Variants in NCBP2L observed in about 807,000 individuals in gnomAD.
NCBP2L encodes nuclear cap binding protein subunit 2 like.
For synonymous variants in NCBP2L, 39 were observed against 19.2 expected, an observed-to-expected ratio of 2.04 and a Z score of -2.70; for missense variants, 95 against 53.1, an observed-to-expected ratio of 1.79 and a Z score of -2.45.
At chrX:107,785,286 G>A in intron 1 of NCBP2L, among the ~76,000 whole-genome samples, 1 of 111,432 alleles carries the variant, frequency 9.0e-6, no homozygotes, top group East Asian at 2.8e-4. Context: ...TGCTGTTCTG[G>A]ATAGGAGGGT....
intron 1 of NCBP2L, among the ~76,000 whole-genome samples, chrX:107,781,676 A>ATCTATCTATCTC (rs1380779020): frequency 3.1e-3 from 172 of 55,875 alleles, no homozygotes; most frequent in African/African-American, 0.012. Context: ...CTATCTATCT[A>ATCTATCTATCTC]TCTCTCTCTC....
chrX:107,794,373 C>A lies in NCBP2L; in HGVS notation c.153C>A (p.Thr51=). 1.8e-6 allele frequency: 1 copy of A among 569,903 alleles called. No individual in the cohort carries two copies. The allele number at this position is 569,903 out of a possible 1,213,427, so 47.0% of individuals were successfully genotyped here. A position where few individuals can be genotyped will look rare whatever the true frequency, so the allele number is the denominator to read the frequency against. ...TGGGGAATCTTTCCTTTTATACAAC[C>A]GAAGAGAAAATACATGAACTCTTTA... ...LNMGNLSFYT[T]EEKIHELFSR... The change falls in exon 2 of 2, where the codon ACC becomes ACA. Residue 51 remains threonine, a synonymous_variant. Transcript: ENST00000509000.
At chrX:107,781,768 C>CTA (rs1213203647) in intron 1 of NCBP2L, among the ~76,000 whole-genome samples, 1 of 65,468 alleles carries the variant, frequency 1.5e-5, no homozygotes, top group African/African-American at 6.9e-5. Context: ...CTATAGATAT[C>CTA]TATATATATA....
intron 1 of NCBP2L, among the ~76,000 whole-genome samples, chrX:107,792,046 C>T (rs970549588): frequency 2.7e-5 from 3 of 112,369 alleles, no homozygotes; most frequent in African/African-American, 9.7e-5. Flanking sequence ...ATTTTAAAAG[C>T]TCTTGTTTGT....
At chrX:107,781,692 C>CTCTCTATATATATA (rs1395038482) in intron 1 of NCBP2L, among the ~76,000 whole-genome samples, 10 of 66,915 alleles carry the variant, frequency 1.5e-4, no homozygotes, top group East Asian at 7.6e-4. Flanking sequence ...CTCTCTCTCT[C>CTCTCTATATATATA]TATATATATA....
intron 1 of NCBP2L, among the ~76,000 whole-genome samples, chrX:107,782,356 T>C (rs866574924): frequency 5.0e-5 from 2 of 40,399 alleles, no homozygotes; most frequent in Non-Finnish European, 6.9e-5. Context: ...TATATAAATA[T>C]ATATATATAT....
intron 1 of NCBP2L, among the ~76,000 whole-genome samples, chrX:107,788,639 T>C (rs945179932): frequency 8.9e-6 from 1 of 112,498 alleles, no homozygotes; most frequent in African/African-American, 3.2e-5. Context: ...ATGGAGCACA[T>C]TGGGACTGCC....
At chrX:107,783,445 T>C (rs928445442) in intron 1 of NCBP2L, among the ~76,000 whole-genome samples, 3 of 102,756 alleles carry the variant, frequency 2.9e-5, no homozygotes, top group African/African-American at 1.1e-4. Flanking sequence ...CGATCTCCGC[T>C]CACTGCAGCT....
At chrX:107,781,606 C>T (rs184184481) in intron 1 of NCBP2L, among the ~76,000 whole-genome samples, 204 of 99,587 alleles carry the variant, frequency 2.0e-3, no homozygotes, top group Non-Finnish European at 3.5e-3. Context: ...AGCCACCACA[C>T]CCAGCCTGGG....
At chrX:107,790,976 T>C (rs1348181620) in intron 1 of NCBP2L, among the ~76,000 whole-genome samples, 3 of 111,924 alleles carry the variant, frequency 2.7e-5, no homozygotes, top group Non-Finnish European at 5.6e-5. Context: ...ATAATTACAT[T>C]GCATTGCAAT....
At chrX:107,792,015 T>G (rs1930458341) in intron 1 of NCBP2L, among the ~76,000 whole-genome samples, 2 of 112,332 alleles carry the variant, frequency 1.8e-5, no homozygotes, top group Admixed American at 1.9e-4. Flanking sequence ...GGCAGCCCAT[T>G]GTCTTTGGAC....
chrX:107,790,408 A>G (rs1427302682), intron 1 of NCBP2L, among the ~76,000 whole-genome samples: 1 of 110,157 alleles, frequency 9.1e-6, no homozygotes, highest in Non-Finnish European at 1.9e-5. Flanking sequence ...AGATCACATC[A>G]CTCCTCTGCT....
intron 1 of NCBP2L, among the ~76,000 whole-genome samples, chrX:107,793,524 G>C (rs1930478688): frequency 8.9e-6 from 1 of 111,800 alleles, no homozygotes; most frequent in African/African-American, 3.3e-5. Context: ...GTCTAGAAAG[G>C]TTAATTACTA....
chrX:107,787,138 C>A (rs1461707806), intron 1 of NCBP2L, among the ~76,000 whole-genome samples: 1 of 111,811 alleles, frequency 8.9e-6, no homozygotes. Flanking sequence ...TAGGGAGGGG[C>A]CTGAGATCCT....
intron 1 of NCBP2L, among the ~76,000 whole-genome samples, chrX:107,790,645 G>A (rs752572457): frequency 9.0e-6 from 1 of 111,547 alleles, no homozygotes; most frequent in South Asian, 3.8e-4. Flanking sequence ...TGGTCTTCCA[G>A]TCAAATCTTT....
At chrX:107,782,466 G>A (rs1402302668) in intron 1 of NCBP2L, among the ~76,000 whole-genome samples, 1 of 89,360 alleles carries the variant, frequency 1.1e-5, no homozygotes, top group East Asian at 3.4e-4. Context: ...GTGTGTGTGC[G>A]TCTGTGTGCA....
chrX:107,786,794 T>G (rs180824684), intron 1 of NCBP2L, among the ~76,000 whole-genome samples: 20 of 111,848 alleles, frequency 1.8e-4, no homozygotes, highest in African/African-American at 5.5e-4. Flanking sequence ...ACAGCACAAT[T>G]AGAGGCCAAG....
chrX:107,783,822 AG>A (rs955027496), intron 1 of NCBP2L, among the ~76,000 whole-genome samples: 2 of 109,093 alleles, frequency 1.8e-5, no homozygotes, highest in Non-Finnish European at 3.8e-5. Context: ...TAATATCTAC[AG>A]TGTTTTCTTC....
At chrX:107,781,676 A>ATCTATCTATCTCTCTCTCTCTCTC (rs1380779020) in intron 1 of NCBP2L, among the ~76,000 whole-genome samples, 9 of 55,885 alleles carry the variant, frequency 1.6e-4, no homozygotes, top group African/African-American at 9.1e-4. Flanking sequence ...CTATCTATCT[A>ATCTATCTATCTCTCTCTCTCTCTC]TCTCTCTCTC....
Sources: allele counts gnomAD v4.1 joint callset (sites outside exome capture counted in the v4.1 genomes callset), GRCh38; gene constraint gnomAD v4.1.1; transcripts MANE v1.5; gene names NCBI Gene and HGNC (gene_info 2026-07-23, HGNC 2026-07-21).